PUS7: variants seen among roughly 807,000 people sequenced by gnomAD.
PUS7 encodes pseudouridylate synthase 7 homolog.
Under a neutral mutation model 79.8 loss-of-function variants are expected in PUS7, and 48 were observed. The observed-to-expected ratio is 0.60, with a 90% CI of 0.48 to 0.76. The LOEUF (loss-of-function observed/expected upper bound fraction) is 0.76, where lower values mean the gene tolerates loss of function less well. Among genes scored for constraint, PUS7 ranks in the 30% least tolerant of loss-of-function variants. The probability of loss-of-function intolerance (pLI) is 0.00; values close to 1 mark genes in which losing one functional copy is unlikely to be tolerated. For missense variants in PUS7, 729 were observed against 797.6 expected, an observed-to-expected ratio of 0.91 and a Z score of 1.04; for synonymous variants, 286 against 272.2, an observed-to-expected ratio of 1.05 and a Z score of -0.50.
intron 11 of PUS7, 56 bp downstream of exon 11, chr7:105,470,632 T>C (rs1823833253): frequency 2.7e-6 from 4 of 1,475,730 alleles, no homozygotes; most frequent in Non-Finnish European, 3.6e-6. Flanking sequence ...CAAGATGAAA[T>C]TTAAAAAGCA....
intron 6 of PUS7, among the ~76,000 whole-genome samples, chr7:105,493,260 T>C (rs1412297624): frequency 1.3e-5 from 2 of 152,234 alleles, no homozygotes; most frequent in African/African-American, 2.4e-5. Context: ...GATATGAAGA[T>C]AATAAGTAAC....
chr7:105,507,006 C>A (rs1825489964), intron 2 of PUS7, among the ~76,000 whole-genome samples: 1 of 152,072 alleles, frequency 6.6e-6, no homozygotes, highest in Non-Finnish European at 1.5e-5. Context: ...TCCTCAACAA[C>A]CCCAATGTGG....
At chr7:105,475,658 T>C (rs1171263371) in intron 9 of PUS7, among the ~76,000 whole-genome samples, 1 of 152,184 alleles carries the variant, frequency 6.6e-6, no homozygotes, top group Non-Finnish European at 1.5e-5. Flanking sequence ...TCTTTCCTTC[T>C]TCTACCTTCT....
chr7:105,466,081 C>T (rs924463567), intron 12 of PUS7, among the ~76,000 whole-genome samples: 2 of 151,688 alleles, frequency 1.3e-5, no homozygotes, highest in Non-Finnish European at 2.9e-5. Context: ...TCACCTGAGC[C>T]TGGCAGGTTG....
intron 5 of PUS7, among the ~76,000 whole-genome samples, chr7:105,499,733 G>A (rs1350768197): frequency 2.0e-5 from 3 of 152,084 alleles, no homozygotes; most frequent in Non-Finnish European, 4.4e-5. Context: ...AAAAGTTCAG[G>A]TTAAGAATAT....
intron 1 of PUS7, among the ~76,000 whole-genome samples, chr7:105,514,230 C>CAAA (rs566219163): frequency 2.6e-5 from 2 of 76,856 alleles, no homozygotes; most frequent in East Asian, 3.9e-4. Flanking sequence ...GACTCCGTCT[C>CAAA]AAAAAAAAAA....
intron 6 of PUS7, among the ~76,000 whole-genome samples, chr7:105,492,635 A>G (rs192727032): frequency 0.045 from 6,619 of 147,990 alleles, 205 homozygotes; most frequent in South Asian, 0.12. Context: ...CCTCCCAAGT[A>G]GCTGGGACTA....
In PUS7 at chr7:105,468,360, G is replaced by A. The variant is rs1823741903; in HGVS notation, c.1502C>T (p.Pro501Leu). The A allele has an allele frequency of 9.9e-6, 16 of 1,613,150 alleles. No individual in the cohort carries two copies. Among genetic ancestry groups the A allele is most frequent in the South Asian group, 2.2e-5 (2 of 90,810 alleles). Residue 501 changes from proline (P) to leucine (L), a missense_variant, in exon 12 of 16, where the codon CCA becomes CTA. Physicochemically the swap from Pro to Leu is moderately conservative, Grantham distance 98. Coordinates refer to ENST00000469408, the MANE Select transcript of PUS7 (RefSeq NM_019042.5). The stretch of plus-strand genomic sequence containing the variant: ...ACCTCCTTTGAGAACGAGGTCCCCT[G>A]GAACAGGTTTTAGTCCATAGTCTTC... ...RIEDYGLKPV[P>L]GDLVLKGATA...
At chr7:105,519,396 C>G (rs989420560) in intron 1 of PUS7, among the ~76,000 whole-genome samples, 7 of 152,058 alleles carry the variant, frequency 4.6e-5, no homozygotes, top group Non-Finnish European at 7.4e-5. Flanking sequence ...AAAATTACCA[C>G]ATCCAGCTAA....
intron 8 of PUS7, 46 bp downstream of exon 8, chr7:105,482,266 C>T: frequency 6.3e-7 from 1 of 1,589,646 alleles, no homozygotes; most frequent in African/African-American, 1.3e-5. Context: ...ACTCAAGATG[C>T]CCTGGCCAGA....
At chr7:105,491,698 T>C (rs1586143908) in intron 6 of PUS7, 81 bp from the exon 7 acceptor site, 1 of 811,408 alleles carries the variant, frequency 1.2e-6, no homozygotes, top group East Asian at 2.7e-5. Context: ...ATTTAAGTTT[T>C]AATATAAACA....
intron 5 of PUS7, among the ~76,000 whole-genome samples, chr7:105,497,248 C>T (rs567102196): frequency 6.6e-6 from 1 of 152,182 alleles, no homozygotes; most frequent in Admixed American, 6.5e-5. Flanking sequence ...CTCAAAGCTG[C>T]ACTGTCTGTA....
intron 1 of PUS7, among the ~76,000 whole-genome samples, chr7:105,513,751 T>C (rs554130126): frequency 6.4e-5 from 9 of 140,370 alleles, no homozygotes; most frequent in African/African-American, 1.8e-4. Flanking sequence ...GGCAGGAGAA[T>C]GGCGTGAACC....
chr7:105,511,092 C>T (rs1465510034), intron 1 of PUS7, among the ~76,000 whole-genome samples: 1 of 139,242 alleles, frequency 7.2e-6, no homozygotes, highest in Non-Finnish European at 1.6e-5. Context: ...AGTGCAGTGG[C>T]ACGATCTTGG....
chr7:105,481,086 C>T lies in PUS7; in HGVS notation c.1141G>A (p.Gly381Arg). The stretch of plus-strand genomic sequence containing the variant: ...TGATACGTAGGGACAGCTGTGGTTC[C>T]AAATCTTTGCATTCCATAGTAGTTA... ...FINYYGMQRF[G>R]TTAVPTYQVG... Residue 381 changes from glycine (G) to arginine (R), a missense_variant, in exon 9 of 16, where the codon GGA (glycine) becomes AGA (arginine). Gly to Arg is a moderately radical substitution (Grantham distance 125). Coordinates refer to ENST00000469408, the MANE Select transcript of PUS7 (RefSeq NM_019042.5). 1 of 1,612,662 alleles carries T rather than the reference C, an allele frequency of 6.2e-7. No individual in the cohort carries two copies. The highest frequency in any genetic ancestry group is 8.5e-7 in the Non-Finnish European group (1 of 1,179,208).
intron 6 of PUS7, among the ~76,000 whole-genome samples, chr7:105,493,781 GGA>G (rs1359989164): frequency 6.6e-6 from 1 of 152,186 alleles, no homozygotes; most frequent in Admixed American, 6.5e-5. Context: ...TGCGAGCCAA[GGA>G]GAGAGGCTTC....
chr7:105,468,185 G>A (rs2692430), intron 12 of PUS7, 152 bp downstream of exon 12: 805,571 of 972,148 alleles, frequency 0.83, 340,614 homozygotes, highest in Non-Finnish European at 0.87. Flanking sequence ...CACCCACCTT[G>A]GCCACCCAAA....
intron 12 of PUS7, among the ~76,000 whole-genome samples, chr7:105,466,757 AG>A (rs1823658345): frequency 6.6e-6 from 1 of 151,478 alleles, no homozygotes; most frequent in South Asian, 2.1e-4. Flanking sequence ...AAAAAAAAAA[AG>A]TTAAAAAAAA....
Position 105,504,544 on chromosome 7 carries a change from A to G in PUS7, c.585+1411T>C, listed in dbSNP as rs75773126. 7.9e-5 allele frequency among the ~76,000 whole-genome samples: 12 copies of G among 152,332 alleles called. No individual in the cohort carries two copies. The East Asian group carries it at 2.3e-3, about 29-fold the overall frequency. ...CATGTTTAGACCTCAAAAACTCAGA[A>G]AGTCCATCTTCATTTTACAAATGAG... is the stretch of plus-strand genomic sequence containing the variant. On this transcript the variant is annotated intron_variant, in intron 4 of 15. Coordinates refer to ENST00000469408, the MANE Select transcript of PUS7 (RefSeq NM_019042.5).
Sources: allele counts gnomAD v4.1 joint callset (sites outside exome capture counted in the v4.1 genomes callset), GRCh38; gene constraint gnomAD v4.1.1; transcripts MANE v1.5; gene names NCBI Gene and HGNC (gene_info 2026-07-23, HGNC 2026-07-21).